Variants in SSBP2 observed in about 807,000 individuals in gnomAD.
SSBP2 encodes the protein single stranded DNA binding protein 2.
A neutral mutation model predicts 61.8 loss-of-function variants in SSBP2; 17 were observed. That is an observed-to-expected ratio of 0.28 (90% CI 0.19 to 0.41). The LOEUF (loss-of-function observed/expected upper bound fraction) is 0.41. Among genes scored for constraint, SSBP2 ranks in the 10% least tolerant of loss-of-function variants. The probability of loss-of-function intolerance (pLI) is 1.00; values close to 1 mark genes in which losing one functional copy is unlikely to be tolerated. For missense variants in SSBP2, 310 were observed against 458.7 expected (o/e 0.68, Z 2.96); for synonymous variants, 139 against 141.3 (o/e 0.98, Z 0.12).
At chr5:81,536,113 G>A (rs571766986) in intron 4 of SSBP2, among the ~76,000 whole-genome samples, 106 of 152,212 alleles carry the variant, frequency 7.0e-4, no homozygotes, top group African/African-American at 2.4e-3. Flanking sequence ...ATATACAGAT[G>A]GCAAATGAGC....
At chr5:81,664,681 C>T (rs1011696885) in intron 1 of SSBP2, among the ~76,000 whole-genome samples, 1 of 152,104 alleles carries the variant, frequency 6.6e-6, no homozygotes, top group Admixed American at 6.5e-5. Context: ...CTAAACAATT[C>T]GTTCACACTG....
At chr5:81,737,777 G>A in intron 1 of SSBP2, among the ~76,000 whole-genome samples, 1 of 127,536 alleles carries the variant, frequency 7.8e-6, no homozygotes, top group Non-Finnish European at 1.6e-5. Flanking sequence ...AACAGAGTGA[G>A]ACTCCATCTC....
chr5:81,751,483 G>T (rs1757775908), upstream of SSBP2, among the ~76,000 whole-genome samples: 2 of 152,034 alleles, frequency 1.3e-5, no homozygotes, highest in Non-Finnish European at 2.9e-5. Context: ...GAGAGAAGGC[G>T]CCGGGAGGAG....
intron 1 of SSBP2, among the ~76,000 whole-genome samples, chr5:81,748,998 CTCAAAT>C (rs1757531122): frequency 6.6e-6 from 1 of 152,174 alleles, no homozygotes; most frequent in South Asian, 2.1e-4. Context: ...TACTTTGATT[CTCAAAT>C]TCAGTCACCC....
At chr5:81,486,417 A>G (rs1217258613) in intron 6 of SSBP2, among the ~76,000 whole-genome samples, 2 of 152,168 alleles carry the variant, frequency 1.3e-5, no homozygotes, top group Admixed American at 6.6e-5. Flanking sequence ...TGTCACTTGA[A>G]TACAATTCCA....
intron 10 of SSBP2, among the ~76,000 whole-genome samples, chr5:81,453,614 G>A (rs993778774): frequency 1.1e-4 from 16 of 151,858 alleles, no homozygotes; most frequent in Admixed American, 2.6e-4. Flanking sequence ...CCGCCACCTC[G>A]CCTGGCTAAT....
chr5:81,429,056 A>G (rs973392157), intron 15 of SSBP2, among the ~76,000 whole-genome samples: 1 of 152,198 alleles, frequency 6.6e-6, no homozygotes, highest in Non-Finnish European at 1.5e-5. Flanking sequence ...AGATGGAACA[A>G]TAACTCCCTT....
At chr5:81,660,305 A>T (rs1031136913) in intron 1 of SSBP2, among the ~76,000 whole-genome samples, 2 of 151,880 alleles carry the variant, frequency 1.3e-5, no homozygotes, top group African/African-American at 2.4e-5. Context: ...CAAGAAACTT[A>T]AAAAAATGCA....
rs1745180211 is a variant in SSBP2 at position 81,609,038 on chromosome 5, G to A, written c.282+6435C>T. The stretch of plus-strand genomic sequence containing the variant: ...GAAGGAATTTGGATAGAGGAGAACT[G>A]AAATGCTTTGGTTAAAAGAGAAGGA... On this transcript the variant is annotated intron_variant, in intron 4 of 16. Transcript: ENST00000320672. Among the ~76,000 whole-genome samples the A allele has an allele frequency of 2.6e-5, 4 of 152,292 alleles. No homozygotes were observed. In the South Asian group the frequency reaches 6.2e-4, roughly 24 times the overall value.
chr5:81,451,213 T>C (rs1182209361), intron 10 of SSBP2, among the ~76,000 whole-genome samples: 1 of 152,202 alleles, frequency 6.6e-6, no homozygotes, highest in Non-Finnish European at 1.5e-5. Context: ...TACACCATCC[T>C]GAGTAAATAT....
At chr5:81,491,336 T>C (rs1415926487) in intron 5 of SSBP2, among the ~76,000 whole-genome samples, 2 of 152,214 alleles carry the variant, frequency 1.3e-5, no homozygotes, top group Admixed American at 6.5e-5. Flanking sequence ...TGAAAAATAT[T>C]ACTAAATACC....
At position 81,474,527 on chromosome 5, in the gene SSBP2, G is replaced by A. The variant is rs1335407578; in HGVS notation, c.468C>T (p.Leu156=). 6 of 1,612,064 alleles carry A rather than the reference G, an allele frequency of 3.7e-6. No individual in the cohort carries two copies. In the African/African-American group the frequency reaches 8.0e-5, roughly 22 times the overall value. Residue 156 remains leucine, a synonymous_variant, in exon 7 of 17, where the codon CTC becomes CTT. Transcript: ENST00000320672. The stretch of plus-strand genomic sequence containing the variant: ...GTCGAGTTGGATCCATTCCACTGGG[G>A]AGTAATGGCTGACTTCCTGGGACAC...
chr5:81,648,816 T>C (rs1053695446), intron 2 of SSBP2, among the ~76,000 whole-genome samples: 1 of 152,106 alleles, frequency 6.6e-6, no homozygotes, highest in Non-Finnish European at 1.5e-5. Flanking sequence ...CAAAAACTTT[T>C]AATAGCCACA....
intron 4 of SSBP2, among the ~76,000 whole-genome samples, chr5:81,590,153 AG>A (rs1349178395): frequency 2.6e-5 from 4 of 152,200 alleles, no homozygotes; most frequent in African/African-American, 7.2e-5. Context: ...TGAAGTGGGG[AG>A]GGGTGTGTTG....
At chr5:81,628,515 A>T (rs987478084) in intron 3 of SSBP2, among the ~76,000 whole-genome samples, 1 of 152,224 alleles carries the variant, frequency 6.6e-6, no homozygotes, top group African/African-American at 2.4e-5. Context: ...TTAAAAGCCT[A>T]TGTTTTAAAA....
chr5:81,670,337 A>G (rs1751501011), intron 1 of SSBP2, among the ~76,000 whole-genome samples: 1 of 152,220 alleles, frequency 6.6e-6, no homozygotes, highest in Non-Finnish European at 1.5e-5. Context: ...AATTTATTTT[A>G]AAAGTTATTA....
intron 1 of SSBP2, among the ~76,000 whole-genome samples, chr5:81,727,288 G>A (rs888100095): frequency 3.3e-5 from 5 of 152,320 alleles, no homozygotes; most frequent in East Asian, 1.9e-4. Context: ...AGTGGCTCAC[G>A]CCTGTAATTC....
intron 1 of SSBP2, among the ~76,000 whole-genome samples, chr5:81,739,807 C>T (rs1182146515): frequency 2.0e-5 from 3 of 152,122 alleles, no homozygotes; most frequent in South Asian, 2.1e-4. Flanking sequence ...TACTTTCTTA[C>T]GCTATTCTAT....
At chr5:81,566,572 C>T (rs532261193) in intron 4 of SSBP2, among the ~76,000 whole-genome samples, 77 of 152,228 alleles carry the variant, frequency 5.1e-4, no homozygotes, top group African/African-American at 1.6e-3. Flanking sequence ...GTCTTGGGTA[C>T]GTCTTTATCA....
Sources: gnomAD v4.1 joint callset for allele counts (sites outside exome capture counted in the v4.1 genomes callset) on GRCh38, gnomAD v4.1.1 for gene constraint, MANE v1.5 for transcripts, NCBI Gene and HGNC (gene_info 2026-07-23, HGNC 2026-07-21) for gene names.